The following SEL1L3 variants were observed in gnomAD, a reference collection of about 807,000 sequenced individuals.
SEL1L3 encodes protein sel-1 homolog 3.
Under a neutral mutation model 142.8 loss-of-function variants are expected in SEL1L3, and 76 were observed. The observed-to-expected ratio is 0.53, with a 90% confidence interval of 0.44 to 0.64. The LOEUF (loss-of-function observed/expected upper bound fraction) is 0.64. Among genes scored for constraint, SEL1L3 ranks in the 30% least tolerant of loss-of-function variants. The pLI, the probability that SEL1L3 is intolerant of heterozygous loss-of-function variation, is 0.00. For missense variants in SEL1L3, 1,262 were observed against 1,381.7 expected, an observed-to-expected ratio of 0.91 and a Z score of 1.37; for synonymous variants, 504 against 519.6, an observed-to-expected ratio of 0.97 and a Z score of 0.41.
At position 25,818,140 on chromosome 4, in the gene SEL1L3, G is replaced by A. The variant is rs375519311; in HGVS notation, c.1562C>T (p.Thr521Ile). 2 of 1,611,208 alleles carry A rather than the reference G, an allele frequency of 1.2e-6. No individual in the cohort carries two copies. The highest frequency in any genetic ancestry group is 2.2e-5 in the South Asian group (2 of 90,194). Residue 521 changes from threonine to isoleucine, a missense_variant and splice_region_variant, in exon 9 of 24, where the codon ACC becomes ATC. Coordinates refer to ENST00000399878, the MANE Select transcript of SEL1L3 (RefSeq NM_015187.5). ...AGCCGAGGCAAAGACTCAATTACCG[G>A]TCAGCAGATCCATCTCCAGCAATGC... ...FQALLEMDLL[T>I]VPRNQNESVS...
intron 16 of SEL1L3, among the ~76,000 whole-genome samples, chr4:25,778,807 G>T (rs1371352660): frequency 6.6e-6 from 1 of 152,122 alleles, no homozygotes; most frequent in Non-Finnish European, 1.5e-5. Flanking sequence ...TTTCAAAAAA[G>T]ATTGAAAGTG....
intron 11 of SEL1L3, among the ~76,000 whole-genome samples, chr4:25,796,201 C>T (rs1392255705): frequency 1.3e-5 from 2 of 152,236 alleles, no homozygotes; most frequent in Non-Finnish European, 2.9e-5. Flanking sequence ...GAAGGCTCCA[C>T]ACTGTCCCGG....
At chr4:25,766,672 C>G (rs1440302701) in intron 19 of SEL1L3, among the ~76,000 whole-genome samples, 3 of 152,032 alleles carry the variant, frequency 2.0e-5, no homozygotes, top group African/African-American at 7.2e-5. Flanking sequence ...TACCAGAGAC[C>G]CAGAGCCTGG....
the SEL1L3 span, among the ~76,000 whole-genome samples, chr4:25,723,765 C>CT: frequency 3.3e-5 from 5 of 152,288 alleles, 1 homozygote; most frequent in East Asian, 9.7e-4. Flanking sequence ...GGGCCCCACT[C>CT]TAAGTTCAGG....
chr4:25,854,831 GA>G (rs1298151688), intron 1 of SEL1L3, among the ~76,000 whole-genome samples: 1 of 152,218 alleles, frequency 6.6e-6, no homozygotes, highest in African/African-American at 2.4e-5. Context: ...GCTAGGCAAA[GA>G]GATCAAATTT....
At chr4:25,797,166 G>A (rs1214103139) in intron 11 of SEL1L3, among the ~76,000 whole-genome samples, 1 of 148,492 alleles carries the variant, frequency 6.7e-6, no homozygotes, top group Non-Finnish European at 1.5e-5. Flanking sequence ...GAGAGGGAGA[G>A]AGAGAAAGGA....
intron 8 of SEL1L3, 116 bp from the exon 9 acceptor site, chr4:25,818,394 T>C (rs1714538224): frequency 2.2e-6 from 2 of 913,324 alleles, no homozygotes; most frequent in Non-Finnish European, 3.1e-6. Flanking sequence ...TGGATGTTGG[T>C]TTTGGTCCTT....
the SEL1L3 span, among the ~76,000 whole-genome samples, chr4:25,740,984 C>T: frequency 3.3e-5 from 5 of 151,954 alleles, no homozygotes; most frequent in Non-Finnish European, 5.9e-5. Flanking sequence ...GGGGTTTCAC[C>T]ATGTTGGCCA....
chr4:25,718,569 TG>T, the SEL1L3 span: 15 of 152,318 alleles, frequency 9.8e-5, no homozygotes, highest in African/African-American at 3.6e-4. Context: ...AAGTGCTATG[TG>T]GCTTACGGAG....
At chr4:25,836,800 A>G (rs1715852058) in intron 2 of SEL1L3, among the ~76,000 whole-genome samples, 2 of 152,204 alleles carry the variant, frequency 1.3e-5, no homozygotes, top group Admixed American at 1.3e-4. Flanking sequence ...ATCGGCACAA[A>G]TTATGGGGGC....
chr4:25,810,598 C>T (rs1010552739), intron 9 of SEL1L3, among the ~76,000 whole-genome samples: 3 of 152,234 alleles, frequency 2.0e-5, no homozygotes, highest in South Asian at 2.1e-4. Flanking sequence ...GCAATTTCTA[C>T]GCTCTGGCAG....
the SEL1L3 span, among the ~76,000 whole-genome samples, chr4:25,741,378 G>A: frequency 1.3e-5 from 2 of 152,140 alleles, no homozygotes; most frequent in Non-Finnish European, 2.9e-5. Flanking sequence ...TGGGATTACA[G>A]AGGTGAGCCA....
chr4:25,807,011 T>C (rs553076767), intron 9 of SEL1L3, among the ~76,000 whole-genome samples: 24 of 152,346 alleles, frequency 1.6e-4, no homozygotes, highest in African/African-American at 5.1e-4. Context: ...ATAATTCGTA[T>C]CCAAATCTAT....
intron 6 of SEL1L3, among the ~76,000 whole-genome samples, chr4:25,828,401 T>TTG (rs1715229104): frequency 6.6e-6 from 1 of 151,524 alleles, no homozygotes; most frequent in African/African-American, 2.4e-5. Flanking sequence ...TTTTTTTTTT[T>TTG]TTGTTAAGAT....
intron 17 of SEL1L3, chr4:25,770,375 A>T (rs1180645926): frequency 6.6e-6 from 1 of 152,218 alleles, no homozygotes; most frequent in Non-Finnish European, 1.5e-5. Context: ...ATTTCCATTG[A>T]GGAAACACTG....
At chr4:25,811,381 G>C (rs1393512409) in intron 9 of SEL1L3, among the ~76,000 whole-genome samples, 2 of 152,236 alleles carry the variant, frequency 1.3e-5, no homozygotes, top group Non-Finnish European at 2.9e-5. Context: ...TGTCTACCGA[G>C]AAAGAGCAGC....
chr4:25,725,278 A>G, the SEL1L3 span, among the ~76,000 whole-genome samples: 1 of 152,036 alleles, frequency 6.6e-6, no homozygotes, highest in East Asian at 1.9e-4. Context: ...TGGCTACTCC[A>G]TAGGCAGAGC....
At chr4:25,800,229 G>A (rs1372348956) in intron 11 of SEL1L3, among the ~76,000 whole-genome samples, 2 of 152,222 alleles carry the variant, frequency 1.3e-5, no homozygotes, top group South Asian at 4.2e-4. Flanking sequence ...ACTACATTAC[G>A]CTGGTGAATT....
rs73115740 is a variant in SEL1L3 at position 25,811,360 on chromosome 4, T to C, written c.1565-6608A>G. Among the ~76,000 whole-genome samples, 998 of 152,222 alleles carry C rather than the reference T, an allele frequency of 6.6e-3. 11 individuals are homozygous for C. Among genetic ancestry groups the C allele is most frequent in the African/African-American group, 0.022 (933 of 41,514 alleles). On this transcript the variant is annotated intron_variant, in intron 9 of 23. Coordinates refer to ENST00000399878, the MANE Select transcript of SEL1L3 (RefSeq NM_015187.5). ...GGTAGACCTGAGAAACAGAACGATG[T>C]TTTACAGAAGTGTCTACCGAGAAAG...
Sources: allele counts gnomAD v4.1 joint callset (sites outside exome capture counted in the v4.1 genomes callset), GRCh38; gene constraint gnomAD v4.1.1; transcripts MANE v1.5; gene names NCBI Gene and HGNC (gene_info 2026-07-23, HGNC 2026-07-21).